The following DEFB108B variants were observed in gnomAD, a reference collection of about 807,000 sequenced individuals.
DEFB108B encodes defensin beta 108B.
In DEFB108B, 3 loss-of-function variants were observed where a neutral mutation model predicts 2.4. The ratio of observed to expected loss-of-function variants is 1.25; its 90% confidence interval spans 0.57 to 3.24. The LOEUF is 3.24. Among genes scored for constraint, DEFB108B ranks in the 30% most tolerant of loss-of-function variants. DEFB108B has a pLI of 0.03. For synonymous variants in DEFB108B, 25 were observed against 28.7 expected (o/e 0.87, Z 0.41); for missense variants, 101 against 87.8 (o/e 1.15, Z -0.60).
intron 1 of DEFB108B, 95 bp downstream of exon 1, chr11:71,833,352 G>A (rs1952192745): frequency 1.3e-6 from 2 of 1,541,122 alleles, no homozygotes; most frequent in Admixed American, 4.0e-5. Flanking sequence ...CCAGAAAAGG[G>A]GGTCTCATAG....
chr11:71,835,635 T>C (rs1952211519), intron 1 of DEFB108B, among the ~76,000 whole-genome samples: 1 of 152,202 alleles, frequency 6.6e-6, no homozygotes, highest in African/African-American at 2.4e-5. Context: ...GGTAGTTCTG[T>C]ATTAAGTTTC....
chr11:71,833,513 T>C (rs1206955865), intron 1 of DEFB108B, among the ~76,000 whole-genome samples: 1 of 152,206 alleles, frequency 6.6e-6, no homozygotes, highest in African/African-American at 2.4e-5. Flanking sequence ...TAGCAGTTAC[T>C]AGACATCAAA....
intron 1 of DEFB108B, 57 bp from the exon 2 acceptor site, chr11:71,837,342 C>T: frequency 1.3e-6 from 2 of 1,596,602 alleles, no homozygotes; most frequent in Non-Finnish European, 1.7e-6. Context: ...CCATGTAATT[C>T]AACACAAAGT....
intron 1 of DEFB108B, among the ~76,000 whole-genome samples, chr11:71,835,521 T>C (rs1275950739): frequency 2.6e-5 from 4 of 152,214 alleles, no homozygotes; most frequent in African/African-American, 7.2e-5. Context: ...ATACCTTTGC[T>C]ACTGTGAATA....
chr11:71,836,698 C>T lies in DEFB108B; in HGVS notation c.59-701C>T, dbSNP rs552550116. 3.0e-3 allele frequency among the ~76,000 whole-genome samples: 463 copies of T among 152,256 alleles called. 3 individuals carry two copies. The highest frequency in any genetic ancestry group is 0.01 in the African/African-American group (431 of 41,538). On this transcript the variant is annotated intron_variant, in intron 1 of 1. Coordinates refer to ENST00000328698, the MANE Select transcript of DEFB108B (RefSeq NM_001002035.2). ...TTGAATGTTTCACTCTTAATATATG[C>T]AATGGTTTCTAGAGAAAAATTGCAA...
intron 1 of DEFB108B, chr11:71,834,936 A>G (rs1209868925): frequency 6.6e-6 from 1 of 152,262 alleles, no homozygotes; most frequent in African/African-American, 2.4e-5. Flanking sequence ...GCTGGAAAAG[A>G]CATAGTGTCC....
At chr11:71,835,774 A>T (rs1952212555) in intron 1 of DEFB108B, among the ~76,000 whole-genome samples, 1 of 152,246 alleles carries the variant, frequency 6.6e-6, no homozygotes, top group African/African-American at 2.4e-5. Flanking sequence ...GTTAGAAAAC[A>T]GCTGTATTTT....
At chr11:71,834,938 A>T in intron 1 of DEFB108B, 1 of 152,248 alleles carries the variant, frequency 6.6e-6, no homozygotes, top group Non-Finnish European at 1.5e-5. Context: ...TGGAAAAGAC[A>T]TAGTGTCCAC....
intron 1 of DEFB108B, among the ~76,000 whole-genome samples, chr11:71,835,861 AGAG>A (rs1404809628): frequency 6.6e-6 from 1 of 152,230 alleles, no homozygotes; most frequent in Non-Finnish European, 1.5e-5. Flanking sequence ...ATATACATAC[AGAG>A]GAGAATAAGA....
intron 1 of DEFB108B, among the ~76,000 whole-genome samples, chr11:71,834,302 C>T (rs1268234640): frequency 1.3e-5 from 2 of 152,150 alleles, no homozygotes; most frequent in Admixed American, 1.3e-4. Context: ...AGATTATTAT[C>T]CTTGTGGCAT....
intron 1 of DEFB108B, among the ~76,000 whole-genome samples, chr11:71,833,747 CT>C (rs995173647): frequency 2.6e-5 from 4 of 152,200 alleles, no homozygotes; most frequent in African/African-American, 9.7e-5. Flanking sequence ...TGGGGCTTGA[CT>C]TTTCCCCTTA....
In DEFB108B at chr11:71,837,500, C is replaced by T; in HGVS notation, c.160C>T (p.Pro54Ser). The T allele has an allele frequency of 1.9e-6, 3 of 1,611,914 alleles. No individual in the cohort carries two copies. Among genetic ancestry groups the T allele is most frequent in the East Asian group, 2.2e-5 (1 of 44,890 alleles). ...IHVGRCLNSQ[P>S]CCLPLGHQPR... is the part of the protein sequence containing the mutation. ...TGTTGGGAGATGTTTAAATAGCCAA[C>T]CCTGCTGCCTGCCTCTGGGGCATCA... The change falls in exon 2 of 2, where the codon CCC (proline) becomes TCC (serine). Residue 54 changes from proline (P) to serine (S), a missense_variant. Pro to Ser is a moderately conservative substitution (Grantham distance 74). Transcript: ENST00000328698.
At chr11:71,835,083 T>G (rs1219658933) in intron 1 of DEFB108B, among the ~76,000 whole-genome samples, 1 of 152,234 alleles carries the variant, frequency 6.6e-6, no homozygotes, top group East Asian at 1.9e-4. Flanking sequence ...TAATTTCAAT[T>G]TTTTAAAATA....
chr11:71,835,066 C>A (rs1465696269), intron 1 of DEFB108B, among the ~76,000 whole-genome samples: 1 of 151,886 alleles, frequency 6.6e-6, no homozygotes, highest in Non-Finnish European at 1.5e-5. Flanking sequence ...TTTTAAAAAG[C>A]CCTTTGTAAT....
chr11:71,836,542 A>T (rs1952219925), intron 1 of DEFB108B, among the ~76,000 whole-genome samples: 1 of 152,224 alleles, frequency 6.6e-6, no homozygotes, highest in Non-Finnish European at 1.5e-5. Flanking sequence ...GGCTGCTCAG[A>T]ATTAAAACAC....
chr11:71,836,477 C>A (rs949623112), intron 1 of DEFB108B, among the ~76,000 whole-genome samples: 8 of 152,158 alleles, frequency 5.3e-5, no homozygotes, highest in African/African-American at 1.9e-4. Flanking sequence ...GGTTTTTATA[C>A]CTCTCTTATT....
chr11:71,835,437 A>T (rs1001879450), intron 1 of DEFB108B, among the ~76,000 whole-genome samples: 1 of 152,266 alleles, frequency 6.6e-6, no homozygotes, highest in East Asian at 1.9e-4. Context: ...TTATGGCTGC[A>T]TAGTATTCCA....
At chr11:71,834,275 TC>T (rs1251995904) in intron 1 of DEFB108B, among the ~76,000 whole-genome samples, 21 of 152,252 alleles carry the variant, frequency 1.4e-4, no homozygotes, top group African/African-American at 5.1e-4. Flanking sequence ...GCACACAACA[TC>T]GGGGACTGAC....
intron 1 of DEFB108B, among the ~76,000 whole-genome samples, chr11:71,835,745 C>A (rs1194497029): frequency 6.6e-6 from 1 of 152,202 alleles, no homozygotes; most frequent in African/African-American, 2.4e-5. Context: ...CAACAAATTT[C>A]TGCACAAACA....
Sources: gnomAD v4.1 joint callset for allele counts (sites outside exome capture counted in the v4.1 genomes callset) on GRCh38, gnomAD v4.1.1 for gene constraint, MANE v1.5 for transcripts, NCBI Gene and HGNC (gene_info 2026-07-23, HGNC 2026-07-21) for gene names.